ZNHIT6: variants seen among roughly 807,000 people sequenced by gnomAD.
ZNHIT6 encodes the protein zinc finger HIT-type containing 6, also known as box C/D snoRNA protein 1.
A neutral mutation model predicts 57.2 loss-of-function variants in ZNHIT6; 45 were observed. The observed-to-expected ratio is 0.79, with a 90% CI of 0.62 to 1.01. The LOEUF is 1.01. Among genes scored for constraint, ZNHIT6 ranks in the 50% least tolerant of loss-of-function variants. ZNHIT6 has a pLI of 0.00. For missense variants in ZNHIT6, 528 were observed against 567.3 expected (o/e 0.93, Z 0.70); for synonymous variants, 188 against 190.0 (o/e 0.99, Z 0.09).
At chr1:85,668,266 G>A (rs576115886) in intron 8 of ZNHIT6, among the ~76,000 whole-genome samples, 47 of 151,976 alleles carry the variant, frequency 3.1e-4, no homozygotes, top group African/African-American at 1.1e-3. Context: ...TCAACATGAT[G>A]GACGAGCACT....
At chr1:85,674,318 G>A (rs926105264) in intron 8 of ZNHIT6, among the ~76,000 whole-genome samples, 4 of 149,162 alleles carry the variant, frequency 2.7e-5, no homozygotes, top group South Asian at 2.1e-4. Context: ...TTTTTTTTTC[G>A]GAGACGAGGT....
chr1:85,653,787 A>C lies in ZNHIT6; in HGVS notation c.*271T>G. On this transcript the variant is annotated 3_prime_UTR_variant, in exon 10 of 10. Coordinates refer to ENST00000370574, the MANE Select transcript of ZNHIT6 (RefSeq NM_017953.4). The stretch of plus-strand genomic sequence containing the variant: ...AAAAAAGTTTTCAGTTTATGGAATT[A>C]AGCAATTAAGCATATTAAAAAGCCA... The C allele has an allele frequency of 2.9e-6, 1 of 348,236 alleles. No individual in the cohort carries two copies. Among genetic ancestry groups the C allele is most frequent in the Non-Finnish European group, 5.1e-6 (1 of 195,830 alleles). The allele number at this position is 348,236 out of a possible 1,614,324, so 21.6% of individuals were successfully genotyped here. A position where few individuals can be genotyped will look rare whatever the true frequency, so the allele number is the denominator to read the frequency against.
intron 9 of ZNHIT6, among the ~76,000 whole-genome samples, chr1:85,655,424 A>G (rs1486747428): frequency 6.6e-6 from 1 of 152,196 alleles, no homozygotes; most frequent in Non-Finnish European, 1.5e-5. Context: ...CACTAATTCC[A>G]GTAATCAATT....
In ZNHIT6 at chr1:85,669,470, T is replaced by C. The variant is rs191287446; in HGVS notation, c.1247+7766A>G. ...ATCCAAGAGAAATAGCTCATACTTT[T>C]GCTGGTTGCTTTTCAAACAAAAAGC... On this transcript the variant is annotated intron_variant, in intron 8 of 9. Transcript: ENST00000370574. Among the ~76,000 whole-genome samples, 57 of 152,342 alleles carry C rather than the reference T, an allele frequency of 3.7e-4. No homozygotes were observed. In the East Asian group the frequency reaches 4.4e-3, roughly 12 times the overall value.
chr1:85,694,119 T>C (rs941003997), intron 5 of ZNHIT6, among the ~76,000 whole-genome samples: 2 of 152,172 alleles, frequency 1.3e-5, no homozygotes, highest in African/African-American at 4.8e-5. Flanking sequence ...TCTGGGGTGA[T>C]GGTAATGTTC....
chr1:85,674,647 T>C (rs189192533), intron 8 of ZNHIT6, among the ~76,000 whole-genome samples: 1 of 152,372 alleles, frequency 6.6e-6, no homozygotes, highest in Admixed American at 6.5e-5. Context: ...AGTCAATCAT[T>C]ACATAATTCT....
chr1:85,702,401 T>G (rs1231979005), intron 4 of ZNHIT6, 141 bp from the exon 5 acceptor site: 2 of 600,746 alleles, frequency 3.3e-6, no homozygotes, highest in Non-Finnish European at 5.9e-6. Context: ...TCATGTAATC[T>G]TCACCATGAT....
At chr1:85,657,632 C>A (rs1661097269) in intron 9 of ZNHIT6, among the ~76,000 whole-genome samples, 1 of 152,124 alleles carries the variant, frequency 6.6e-6, no homozygotes, top group African/African-American at 2.4e-5. Flanking sequence ...TTGATTTATT[C>A]ACTTAAAATT....
intron 5 of ZNHIT6, among the ~76,000 whole-genome samples, chr1:85,700,361 C>T (rs1411089763): frequency 2.6e-5 from 4 of 152,152 alleles, no homozygotes; most frequent in Non-Finnish European, 5.9e-5. Context: ...TGTTGCTAAT[C>T]TCCTCCTGGG....
rs115722160 is a variant in ZNHIT6 at position 85,680,990 on chromosome 1, A to T, written c.1020-86T>A. On this transcript the variant is annotated intron_variant, in intron 5 of 9. Coordinates refer to ENST00000370574, the MANE Select transcript of ZNHIT6 (RefSeq NM_017953.4). ...GAACTTTCTAAATTTTCACTTTAAG[A>T]TAATTCCAAAATTATTCTTAGACTT... 0.011 allele frequency: 9,884 copies of T among 881,674 alleles called. 640 individuals are homozygous for T. In the African/African-American group the frequency reaches 0.14, roughly 13 times the overall value. 54.6% of individuals were successfully genotyped at this position (881,674 alleles called of 1,614,324 possible).
intron 4 of ZNHIT6, among the ~76,000 whole-genome samples, chr1:85,704,687 G>C (rs1662630619): frequency 6.6e-6 from 1 of 152,050 alleles, no homozygotes; most frequent in Non-Finnish European, 1.5e-5. Flanking sequence ...GGAAAAATAA[G>C]AGTTGCTATA....
At chr1:85,678,247 TG>T (rs1339070423) in intron 7 of ZNHIT6, among the ~76,000 whole-genome samples, 3 of 152,186 alleles carry the variant, frequency 2.0e-5, no homozygotes, top group African/African-American at 7.2e-5. Flanking sequence ...CAGGATTTCC[TG>T]TCTTTAAGTT....
At position 85,708,395 on chromosome 1, in the gene ZNHIT6, A is replaced by C. The variant is rs1156312618; in HGVS notation, c.-111T>G. ...CCTACGGCGGCCCACGTGTGGAGCC[A>C]AGCAGCCACAAACCCGGAATAGCCT... On this transcript the variant is annotated 5_prime_UTR_variant, in exon 1 of 10. Coordinates refer to ENST00000370574, the MANE Select transcript of ZNHIT6 (RefSeq NM_017953.4). 2.2e-6 allele frequency: 3 copies of C among 1,364,986 alleles called. No individual in the cohort carries two copies. The highest frequency in any genetic ancestry group is 2.9e-5 in the South Asian group (2 of 69,554). 84.6% of individuals were successfully genotyped at this position (1,364,986 alleles called of 1,614,324 possible). A position where few individuals can be genotyped will look rare whatever the true frequency, so the allele number is the denominator to read the frequency against.
chr1:85,658,994 T>A (rs1383466755), intron 8 of ZNHIT6, among the ~76,000 whole-genome samples: 1 of 152,144 alleles, frequency 6.6e-6, no homozygotes. Flanking sequence ...AGACAACCAA[T>A]CACCTTATGA....
chr1:85,658,246 T>A (rs1417244698), intron 8 of ZNHIT6, among the ~76,000 whole-genome samples: 5 of 152,150 alleles, frequency 3.3e-5, no homozygotes, highest in African/African-American at 1.2e-4. Context: ...TTTCTTTTTT[T>A]GATATGGAGT....
rs1446229316 is a variant in ZNHIT6, at chr1:85,651,936, T to C, written c.*2122A>G. 6.6e-6 allele frequency: 1 copy of C among 152,218 alleles called. No individual in the cohort carries two copies. The highest frequency in any genetic ancestry group is 2.4e-5 in the African/African-American group (1 of 41,458). 9.4% of individuals were successfully genotyped at this position (152,218 alleles called of 1,614,324 possible). On this transcript the variant is annotated 3_prime_UTR_variant, in exon 10 of 10. Transcript: ENST00000370574. The stretch of plus-strand genomic sequence containing the variant: ...TTACGGGAAAAAATATGCATATTAA[T>C]CAAATGAGTTGATAATTATATTTAG...
At chr1:85,690,224 T>G (rs1276406203) in intron 5 of ZNHIT6, among the ~76,000 whole-genome samples, 1 of 152,112 alleles carries the variant, frequency 6.6e-6, no homozygotes, top group Admixed American at 6.5e-5. Flanking sequence ...GATTTCCTGC[T>G]CAAAGTATGA....
At chr1:85,703,368 G>A (rs911828049) in intron 4 of ZNHIT6, among the ~76,000 whole-genome samples, 6 of 152,114 alleles carry the variant, frequency 3.9e-5, no homozygotes, top group African/African-American at 1.4e-4. Flanking sequence ...AAAGTGGGAG[G>A]ACTTAATCAG....
At chr1:85,655,036 A>T (rs1404301657) in intron 9 of ZNHIT6, among the ~76,000 whole-genome samples, 1 of 152,164 alleles carries the variant, frequency 6.6e-6, no homozygotes, top group African/African-American at 2.4e-5. Context: ...TTCAGATTGT[A>T]CCAGCAACCA....
Sources: allele counts gnomAD v4.1 joint callset (sites outside exome capture counted in the v4.1 genomes callset), GRCh38; gene constraint gnomAD v4.1.1; transcripts MANE v1.5; gene names NCBI Gene and HGNC (gene_info 2026-07-23, HGNC 2026-07-21).